TAFA1: variants seen among roughly 807,000 people sequenced by gnomAD.
TAFA1 encodes the protein chemokine-like protein TAFA-1.
TAFA1 carries 4 observed loss-of-function variants against 18.5 expected under a neutral mutation model. The ratio of observed to expected loss-of-function variants is 0.22; its 90% confidence interval spans 0.11 to 0.49. The LOEUF is 0.49. Among genes scored for constraint, TAFA1 ranks in the 20% least tolerant of loss-of-function variants. The pLI, the probability that TAFA1 is intolerant of heterozygous loss-of-function variation, is 0.98. For missense variants in TAFA1, 147 were observed against 169.0 expected, an observed-to-expected ratio of 0.87 and a Z score of 0.72; for synonymous variants, 56 against 55.2, an observed-to-expected ratio of 1.01 and a Z score of -0.06.
At chr3:68,128,987 C>T (rs2065506157) in intron 2 of TAFA1, among the ~76,000 whole-genome samples, 1 of 152,212 alleles carries the variant, frequency 6.6e-6, no homozygotes, top group Admixed American at 6.5e-5. Flanking sequence ...AAAATCCCAA[C>T]TTCTACAAAT....
chr3:68,309,439 G>A (rs1032149281), intron 2 of TAFA1, among the ~76,000 whole-genome samples: 2 of 152,056 alleles, frequency 1.3e-5, no homozygotes, highest in Non-Finnish European at 2.9e-5. Flanking sequence ...CACGAACTTT[G>A]TACCACAGCA....
intron 2 of TAFA1, among the ~76,000 whole-genome samples, chr3:68,113,462 G>A (rs2065284025): frequency 6.6e-6 from 1 of 152,088 alleles, no homozygotes. Context: ...GTAAATGATT[G>A]AAAATAAAAT....
chr3:68,268,303 G>C (rs1013984188), intron 2 of TAFA1, among the ~76,000 whole-genome samples: 1 of 152,050 alleles, frequency 6.6e-6, no homozygotes, highest in Non-Finnish European at 1.5e-5. Context: ...CAGTTTAAAG[G>C]AGGAAAGACA....
At chr3:68,295,415 G>C (rs1403259716) in intron 2 of TAFA1, among the ~76,000 whole-genome samples, 1 of 142,656 alleles carries the variant, frequency 7.0e-6, no homozygotes, top group Non-Finnish European at 1.5e-5. Context: ...TATTTTTTCA[G>C]TTAAAAAAAA....
At chr3:68,284,496 T>G (rs1055818171) in intron 2 of TAFA1, among the ~76,000 whole-genome samples, 1 of 152,198 alleles carries the variant, frequency 6.6e-6, no homozygotes, top group African/African-American at 2.4e-5. Context: ...ACATGCATCT[T>G]CAAAAAGATT....
upstream of TAFA1, among the ~76,000 whole-genome samples, chr3:68,000,972 T>A (rs904185960): frequency 2.0e-5 from 3 of 152,216 alleles, no homozygotes; most frequent in African/African-American, 7.2e-5. Flanking sequence ...AAATCAGCTA[T>A]GGATTTGAAA....
rs530549574 is a variant in TAFA1, at chr3:68,146,951, G to A, written c.118+140207G>A. Among the ~76,000 whole-genome samples the A allele has an allele frequency of 2.6e-5, 4 of 152,024 alleles. No homozygotes were observed. The South Asian group carries it at 8.3e-4, about 32-fold the overall frequency. On this transcript the variant is annotated intron_variant, in intron 2 of 4. Coordinates refer to ENST00000478136, the MANE Select transcript of TAFA1 (RefSeq NM_213609.4). ...ATCAGGCTGGAAATTTGGAGATGCT[G>A]GAGCTGATGGATTTAGTGGAAAGAG...
At chr3:68,059,653 C>A (rs1007506140) in intron 2 of TAFA1, among the ~76,000 whole-genome samples, 2 of 152,084 alleles carry the variant, frequency 1.3e-5, no homozygotes, top group African/African-American at 4.8e-5. Flanking sequence ...TGTGTGTCTG[C>A]ACAATGACAG....
intron 2 of TAFA1, among the ~76,000 whole-genome samples, chr3:68,241,119 G>T (rs759364742): frequency 1.3e-5 from 2 of 152,228 alleles, no homozygotes; most frequent in East Asian, 3.9e-4. Context: ...CTTCACAGTG[G>T]TTAGGTCAGT....
At chr3:68,445,647 G>A (rs969756829) in intron 3 of TAFA1, among the ~76,000 whole-genome samples, 2 of 152,014 alleles carry the variant, frequency 1.3e-5, no homozygotes, top group Non-Finnish European at 2.9e-5. Context: ...GGCCTAAATC[G>A]GTGGTTCTCC....
intron 2 of TAFA1, among the ~76,000 whole-genome samples, chr3:68,413,058 T>C (rs1254330283): frequency 2.0e-5 from 3 of 152,138 alleles, no homozygotes; most frequent in Middle Eastern, 3.2e-3. Context: ...GACTTTTTAA[T>C]GATCACCATT....
At chr3:68,501,268 A>C (rs2072654264) in intron 3 of TAFA1, among the ~76,000 whole-genome samples, 1 of 151,686 alleles carries the variant, frequency 6.6e-6, no homozygotes. Flanking sequence ...TGCTGACTCT[A>C]TTGAAAATTG....
intron 3 of TAFA1, among the ~76,000 whole-genome samples, chr3:68,534,450 T>G (rs1166097725): frequency 6.6e-6 from 1 of 152,242 alleles, no homozygotes; most frequent in Non-Finnish European, 1.5e-5. Context: ...ATGCCTTTTT[T>G]TCCTGTTAAT....
At chr3:68,120,086 G>T (rs1478831755) in intron 2 of TAFA1, among the ~76,000 whole-genome samples, 2 of 152,018 alleles carry the variant, frequency 1.3e-5, no homozygotes, top group African/African-American at 2.4e-5. Context: ...ATACTCAAGT[G>T]GTCCTGCCTA....
chr3:68,307,904 T>C (rs1217208557), intron 2 of TAFA1, among the ~76,000 whole-genome samples: 6 of 152,152 alleles, frequency 3.9e-5, no homozygotes, highest in Admixed American at 6.5e-5. Flanking sequence ...ACTGCCCTTG[T>C]TACCTCACTG....
intron 2 of TAFA1, among the ~76,000 whole-genome samples, chr3:68,163,798 T>G (rs1328909457): frequency 6.6e-6 from 1 of 152,172 alleles, no homozygotes; most frequent in Non-Finnish European, 1.5e-5. Flanking sequence ...ACTAATAAAC[T>G]GGAAGATCTA....
At chr3:68,057,062 A>G in intron 2 of TAFA1, among the ~76,000 whole-genome samples, 1 of 152,078 alleles carries the variant, frequency 6.6e-6, no homozygotes, top group East Asian at 1.9e-4. Context: ...CTTCTCTAAC[A>G]CACGTTTTAG....
At chr3:68,173,289 A>G (rs2066082026) in intron 2 of TAFA1, among the ~76,000 whole-genome samples, 1 of 149,844 alleles carries the variant, frequency 6.7e-6, no homozygotes, top group Admixed American at 6.6e-5. Flanking sequence ...AAACTGTCAC[A>G]GAAACATGAA....
At chr3:68,210,961 C>T (rs1379594494) in intron 2 of TAFA1, among the ~76,000 whole-genome samples, 3 of 152,060 alleles carry the variant, frequency 2.0e-5, no homozygotes, top group African/African-American at 4.8e-5. Context: ...AGTGCTAAGA[C>T]AACCCACACA....
Sources: gnomAD v4.1 joint callset for allele counts (sites outside exome capture counted in the v4.1 genomes callset) on GRCh38, gnomAD v4.1.1 for gene constraint, MANE v1.5 for transcripts, NCBI Gene and HGNC (gene_info 2026-07-23, HGNC 2026-07-21) for gene names.